Variants in FOXP1 observed in about 807,000 individuals in gnomAD.
FOXP1 encodes forkhead box P1.
A neutral mutation model predicts 98.2 loss-of-function variants in FOXP1; 15 were observed. The observed-to-expected ratio is 0.15, with a 90% confidence interval of 0.10 to 0.24. FOXP1 has a LOEUF of 0.24. Among genes scored for constraint, FOXP1 ranks in the 10% least tolerant of loss-of-function variants. The pLI is 1.00. For missense variants in FOXP1, 633 were observed against 848.5 expected (o/e 0.75, Z 3.15); for synonymous variants, 371 against 314.5 (o/e 1.18, Z -1.90).
chr3:71,542,488 G>C (rs959253782), intron 2 of FOXP1, among the ~76,000 whole-genome samples: 3 of 152,236 alleles, frequency 2.0e-5, no homozygotes, highest in Non-Finnish European at 4.4e-5. Flanking sequence ...TGTCTGCACA[G>C]GCCAAAGTAG....
In FOXP1 at chr3:71,208,587, A is replaced by G. The variant is rs374198105; in HGVS notation, c.-11-10195T>C. On this transcript the variant is annotated intron_variant, in intron 5 of 20. Transcript: ENST00000649528. ...GTCTGTTAAACAGACCTTGCAGGAT[A>G]AACTGCTGCTCACACCCGCAAACAA... Among the ~76,000 whole-genome samples the G allele has an allele frequency of 2.9e-5, 4 of 138,298 alleles. No individual in the cohort carries two copies. The East Asian group carries it at 6.8e-4, about 23-fold the overall frequency. The allele number at this position is 138,298 out of a possible 152,430, so 90.7% of individuals were successfully genotyped here.
intron 3 of FOXP1, among the ~76,000 whole-genome samples, chr3:71,415,461 C>T (rs2083140226): frequency 6.6e-6 from 1 of 151,966 alleles, no homozygotes. Context: ...ATGTGAGAGC[C>T]AATATTTATA....
Position 71,564,426 on chromosome 3 carries a change from G to GT in FOXP1, c.-298+17122dup, listed in dbSNP as rs545898039. ...TTAATCCACCGAACAAATTGATGAG[G>GT]TAAGTTCTTTATTCTGTCCTTTTAA... On this transcript the variant is annotated intron_variant, in intron 2 of 20. Transcript: ENST00000649528. Among the ~76,000 whole-genome samples the GT allele has an allele frequency of 2.0e-4, 31 of 152,336 alleles. No individual in the cohort carries two copies. In the South Asian group the frequency reaches 6.4e-3, roughly 32 times the overall value.
intron 4 of FOXP1, chr3:71,304,625 T>C (rs2074120842): frequency 6.6e-6 from 1 of 152,044 alleles, no homozygotes; most frequent in Non-Finnish European, 1.5e-5. Flanking sequence ...TTACTTTGCC[T>C]CAAAAAAAAG....
chr3:71,409,635 G>C (rs1280394003), intron 3 of FOXP1, among the ~76,000 whole-genome samples: 1 of 151,892 alleles, frequency 6.6e-6, no homozygotes, highest in African/African-American at 2.4e-5. Context: ...TTAACAGTGA[G>C]AAAATTTAAA....
At chr3:71,042,104 T>G (rs2048430725) in intron 10 of FOXP1, among the ~76,000 whole-genome samples, 1 of 152,200 alleles carries the variant, frequency 6.6e-6, no homozygotes, top group Admixed American at 6.5e-5. Flanking sequence ...TTAACACACC[T>G]ATCTTCCTCA....
At chr3:71,241,866 T>G (rs959320171) in intron 5 of FOXP1, among the ~76,000 whole-genome samples, 4 of 152,354 alleles carry the variant, frequency 2.6e-5, no homozygotes, top group South Asian at 2.1e-4. Context: ...CAGCTGTAAT[T>G]GTCATGTACA....
chr3:71,261,567 CATCT>C (rs1227624490), intron 5 of FOXP1, among the ~76,000 whole-genome samples: 3 of 152,088 alleles, frequency 2.0e-5, no homozygotes, highest in Non-Finnish European at 4.4e-5. Context: ...GATTTATCAA[CATCT>C]ATCTACCCAC....
Position 70,996,673 on chromosome 3 carries a change from T to G in FOXP1, c.1062+4299A>C, listed in dbSNP as rs1015390573. On this transcript the variant is annotated intron_variant, in intron 13 of 20. Coordinates refer to ENST00000649528, the MANE Select transcript of FOXP1 (RefSeq NM_001349338.3). ...GTGACCTTCACCAGCTTTGGTTGCT[T>G]CTACAGCTACTGTGCCCTCTGAATT... Among the ~76,000 whole-genome samples, 4 of 152,150 alleles carry G rather than the reference T, an allele frequency of 2.6e-5. No homozygotes were observed. The South Asian group carries it at 8.3e-4, about 32-fold the overall frequency.
intron 3 of FOXP1, among the ~76,000 whole-genome samples, chr3:71,369,425 C>T (rs1441512129): frequency 6.6e-6 from 1 of 152,146 alleles, no homozygotes; most frequent in Non-Finnish European, 1.5e-5. Context: ...AACGGAGTCT[C>T]GCTCTGTCAC....
At chr3:71,548,540 A>G (rs555836899) in intron 2 of FOXP1, among the ~76,000 whole-genome samples, 2 of 152,026 alleles carry the variant, frequency 1.3e-5, no homozygotes, top group South Asian at 4.1e-4. Context: ...CAAGTACTAT[A>G]GGTGTGAGCC....
rs184117985 is a variant in FOXP1, at chr3:71,478,896, C to T, written c.-168+14530G>A. On this transcript the variant is annotated intron_variant, in intron 3 of 20. Coordinates refer to ENST00000649528, the MANE Select transcript of FOXP1 (RefSeq NM_001349338.3). Reference sequence around the variant, plus strand: ...CCATGCCCAGTAACATTGTGATTGGCTTCCTCTCTGAGAATCTTGTTGAAA... The same window carrying T: ...CCATGCCCAGTAACATTGTGATTGGTTTCCTCTCTGAGAATCTTGTTGAAA... 2.0e-5 allele frequency among the ~76,000 whole-genome samples: 3 copies of T among 152,304 alleles called. No individual in the cohort carries two copies. The East Asian group carries it at 5.8e-4, about 29-fold the overall frequency.
chr3:71,392,840 C>T (rs1326094299), intron 3 of FOXP1, among the ~76,000 whole-genome samples: 1 of 152,016 alleles, frequency 6.6e-6, no homozygotes, highest in Non-Finnish European at 1.5e-5. Flanking sequence ...TAACTCTTTC[C>T]AAGAAGAAAG....
At chr3:71,162,636 G>C (rs1387186959) in intron 6 of FOXP1, among the ~76,000 whole-genome samples, 1 of 152,228 alleles carries the variant, frequency 6.6e-6, no homozygotes, top group Non-Finnish European at 1.5e-5. Flanking sequence ...CAAACTGATA[G>C]AGACAGGAGG....
intron 3 of FOXP1, among the ~76,000 whole-genome samples, chr3:71,442,085 G>A (rs1352660549): frequency 6.6e-6 from 1 of 152,124 alleles, no homozygotes; most frequent in Non-Finnish European, 1.5e-5. Context: ...CATCTCAGGA[G>A]CTGAACCATC....
chr3:71,051,366 G>C (rs981208716), intron 9 of FOXP1, among the ~76,000 whole-genome samples: 1 of 152,110 alleles, frequency 6.6e-6, no homozygotes, highest in Non-Finnish European at 1.5e-5. Flanking sequence ...TGCTCAACAG[G>C]ACTCCAGGGT....
intron 6 of FOXP1, among the ~76,000 whole-genome samples, chr3:71,155,206 G>C (rs983640323): frequency 3.3e-5 from 5 of 152,084 alleles, no homozygotes; most frequent in African/African-American, 1.2e-4. Flanking sequence ...GGTAACCAGG[G>C]AACCAAAGGG....
At chr3:71,006,765 G>A (rs1427624480) in intron 12 of FOXP1, among the ~76,000 whole-genome samples, 2 of 152,024 alleles carry the variant, frequency 1.3e-5, no homozygotes, top group Admixed American at 6.6e-5. Context: ...TAGATGTACC[G>A]CATGCACATA....
chr3:71,553,005 ATTGCCTACAGTATCCTTCAAAG>A (rs1258111918), intron 2 of FOXP1, among the ~76,000 whole-genome samples: 2 of 152,102 alleles, frequency 1.3e-5, no homozygotes, highest in Non-Finnish European at 2.9e-5. Flanking sequence ...TTTTCATAAA[ATTGCCTACAGTATCCTTCAAAG>A]TTGTATTTTA....
Sources: gnomAD v4.1 joint callset for allele counts (sites outside exome capture counted in the v4.1 genomes callset) on GRCh38, gnomAD v4.1.1 for gene constraint, MANE v1.5 for transcripts, NCBI Gene and HGNC (gene_info 2026-07-23, HGNC 2026-07-21) for gene names.